Variants in OXR1 observed in about 807,000 individuals in gnomAD.
OXR1 encodes oxidation resistance 1.
In OXR1, 41 loss-of-function variants were observed where a neutral mutation model predicts 104.6. The ratio of observed to expected loss-of-function variants is 0.39; its 90% confidence interval spans 0.31 to 0.51. OXR1 has a LOEUF of 0.51. Among genes scored for constraint, OXR1 ranks in the 20% least tolerant of loss-of-function variants. The probability of loss-of-function intolerance (pLI) is 0.77; values close to 1 mark genes in which losing one functional copy is unlikely to be tolerated. For synonymous variants in OXR1, 348 were observed against 348.4 expected, an observed-to-expected ratio of 1.00 and a Z score of 0.01; for missense variants, 955 against 1,031.9, an observed-to-expected ratio of 0.93 and a Z score of 1.02.
chr8:106,622,482 CA>C (rs1354027607), intron 3 of OXR1, among the ~76,000 whole-genome samples: 44 of 137,714 alleles, frequency 3.2e-4, no homozygotes, highest in African/African-American at 7.8e-4. Flanking sequence ...CACACACACA[CA>C]CACCCCTTAC....
chr8:106,657,316 C>G (rs1163148879), intron 3 of OXR1, among the ~76,000 whole-genome samples: 2 of 93,070 alleles, frequency 2.1e-5, no homozygotes, highest in East Asian at 6.3e-4. Flanking sequence ...CGTCCTTAAA[C>G]ATAAAAAAAA....
intron 1 of OXR1, among the ~76,000 whole-genome samples, chr8:106,334,567 C>A (rs1329622468): frequency 6.6e-6 from 1 of 152,058 alleles, no homozygotes; most frequent in East Asian, 1.9e-4. Context: ...AATTTGGATA[C>A]CATTTAAATT....
chr8:106,575,859 T>G (rs138179578), intron 3 of OXR1, among the ~76,000 whole-genome samples: 159 of 152,008 alleles, frequency 1.0e-3, no homozygotes, highest in African/African-American at 3.6e-3. Context: ...TCCTAACACA[T>G]TTGATTATAT....
chr8:106,442,306 A>T (rs1287875892), intron 2 of OXR1, among the ~76,000 whole-genome samples: 1 of 152,160 alleles, frequency 6.6e-6, no homozygotes, highest in Non-Finnish European at 1.5e-5. Context: ...GTGCTGCTGG[A>T]TTCAGTTTGC....
intron 3 of OXR1, among the ~76,000 whole-genome samples, chr8:106,640,641 A>G (rs1823553397): frequency 6.6e-6 from 1 of 152,120 alleles, no homozygotes; most frequent in Non-Finnish European, 1.5e-5. Context: ...TACTTTGGGA[A>G]GTAACTTCGA....
intron 11 of OXR1, among the ~76,000 whole-genome samples, chr8:106,722,588 G>C (rs1440813207): frequency 6.6e-6 from 1 of 152,044 alleles, no homozygotes; most frequent in Non-Finnish European, 1.5e-5. Flanking sequence ...TCTATGTTTA[G>C]ATATATTTTG....
intron 3 of OXR1, among the ~76,000 whole-genome samples, chr8:106,650,370 G>C (rs1304185784): frequency 1.3e-5 from 2 of 152,206 alleles, no homozygotes; most frequent in Non-Finnish European, 2.9e-5. Context: ...TGTTCTCAAT[G>C]ATGAGACATG....
intron 3 of OXR1, among the ~76,000 whole-genome samples, chr8:106,632,696 T>A (rs572158987): frequency 3.3e-5 from 5 of 152,328 alleles, no homozygotes; most frequent in African/African-American, 1.2e-4. Context: ...ATGCTTTACT[T>A]GCATCACAAT....
At chr8:106,673,577 T>C (rs1459336003) in intron 3 of OXR1, among the ~76,000 whole-genome samples, 1 of 152,190 alleles carries the variant, frequency 6.6e-6, no homozygotes. Context: ...AGATACTTAC[T>C]TAAGTAACGA....
At chr8:106,586,104 C>T (rs1308677540) in intron 3 of OXR1, among the ~76,000 whole-genome samples, 1 of 152,098 alleles carries the variant, frequency 6.6e-6, no homozygotes, top group Non-Finnish European at 1.5e-5. Flanking sequence ...CTTGTTCTAA[C>T]TAGAACGTGG....
chr8:106,273,599 CTTTCAATAAGA>C (rs1351196831), intron 1 of OXR1, among the ~76,000 whole-genome samples: 1 of 152,184 alleles, frequency 6.6e-6, no homozygotes, highest in Non-Finnish European at 1.5e-5. Context: ...AGAAACTTGG[CTTTCAATAAGA>C]TGTGCTTAAC....
chr8:106,735,275 G>A lies in OXR1; in HGVS notation c.1957-2245G>A, dbSNP rs1834266656. Among the ~76,000 whole-genome samples, 9 of 150,940 alleles carry A rather than the reference G, an allele frequency of 6.0e-5. No homozygotes were observed. The South Asian group carries it at 1.7e-3, about 28-fold the overall frequency. ...ATCAGGGCATGAGTAAATGTTTAAG[G>A]TTAAGGAAGCAGAAAGTTTTTAAGT... On this transcript the variant is annotated intron_variant, in intron 11 of 16. Coordinates refer to ENST00000517566, the MANE Select transcript of OXR1 (RefSeq NM_001198533.2).
At chr8:106,555,354 A>T (rs1025248590) in intron 3 of OXR1, among the ~76,000 whole-genome samples, 1 of 152,172 alleles carries the variant, frequency 6.6e-6, no homozygotes, top group African/African-American at 2.4e-5. Context: ...CCCACTAAAA[A>T]TCTACTGAAT....
intron 1 of OXR1, among the ~76,000 whole-genome samples, chr8:106,324,215 A>G (rs1000364233): frequency 6.6e-6 from 1 of 152,220 alleles, no homozygotes; most frequent in African/African-American, 2.4e-5. Context: ...CTGTGGCTAC[A>G]TGGATGGAGA....
chr8:106,369,913 G>GT (rs928101590), intron 2 of OXR1, among the ~76,000 whole-genome samples: 4 of 152,068 alleles, frequency 2.6e-5, no homozygotes, highest in Non-Finnish European at 5.9e-5. Flanking sequence ...ATTTAAAATA[G>GT]TTTTTTTCTA....
chr8:106,385,553 C>G (rs1817339613), intron 2 of OXR1, among the ~76,000 whole-genome samples: 1 of 152,122 alleles, frequency 6.6e-6, no homozygotes, highest in African/African-American at 2.4e-5. Flanking sequence ...GTACTTTACA[C>G]CCCACCAACC....
intron 2 of OXR1, among the ~76,000 whole-genome samples, chr8:106,476,526 C>A (rs1200834116): frequency 6.6e-6 from 1 of 151,878 alleles, no homozygotes; most frequent in Non-Finnish European, 1.5e-5. Context: ...GTTAGCCTAA[C>A]CCTTCCTGCC....
At chr8:106,487,355 T>TTTTTA (rs398009247) in intron 2 of OXR1, among the ~76,000 whole-genome samples, 1 of 149,864 alleles carries the variant, frequency 6.7e-6, no homozygotes, top group South Asian at 2.1e-4. Flanking sequence ...TTTTTTTTTT[T>TTTTTA]ATGCTGTTTA....
chr8:106,561,287 G>C (rs992270507), intron 3 of OXR1, among the ~76,000 whole-genome samples: 7 of 151,794 alleles, frequency 4.6e-5, no homozygotes, highest in East Asian at 1.9e-4. Context: ...GAGCTTGGTG[G>C]GGGGAGGGGC....
Sources: gnomAD v4.1 joint callset for allele counts (sites outside exome capture counted in the v4.1 genomes callset) on GRCh38, gnomAD v4.1.1 for gene constraint, MANE v1.5 for transcripts, NCBI Gene and HGNC (gene_info 2026-07-23, HGNC 2026-07-21) for gene names.